DNAH11: variants seen among roughly 807,000 people sequenced by gnomAD.
The protein encoded by DNAH11 is dynein axonemal heavy chain 11, also known as axonemal beta dynein heavy chain 11.
A neutral mutation model predicts 526.0 loss-of-function variants in DNAH11; 442 were observed. The observed-to-expected ratio is 0.84, with a 90% CI of 0.78 to 0.91. The LOEUF (loss-of-function observed/expected upper bound fraction) is 0.91, where lower values mean the gene tolerates loss of function less well. Ranked by LOEUF, DNAH11 falls within the 40% of genes least tolerant of loss-of-function variation. The pLI is 0.00. For synonymous variants in DNAH11, 2,461 were observed against 1,935.9 expected, an observed-to-expected ratio of 1.27 and a Z score of -7.12; for missense variants, 6,989 against 5,448.7, an observed-to-expected ratio of 1.28 and a Z score of -8.90.
At chr7:21,841,944 C>G (rs941297832) in intron 65 of DNAH11, among the ~76,000 whole-genome samples, 106 of 152,290 alleles carry the variant, frequency 7.0e-4, no homozygotes, top group African/African-American at 2.3e-3. Context: ...AACCTGCCCC[C>G]TCTATGCCCA....
At chr7:21,556,926 T>C (rs1452527157) in intron 2 of DNAH11, among the ~76,000 whole-genome samples, 1 of 152,062 alleles carries the variant, frequency 6.6e-6, no homozygotes, top group African/African-American at 2.4e-5. Context: ...CTGGGCATGG[T>C]GGCACATGCT....
At chr7:21,754,138 C>T (rs533839542) in intron 54 of DNAH11, among the ~76,000 whole-genome samples, 8 of 152,236 alleles carry the variant, frequency 5.3e-5, no homozygotes, top group African/African-American at 1.9e-4. Context: ...GTAAATATTA[C>T]AGAACATTAA....
intron 79 of DNAH11, 47 bp downstream of exon 79, chr7:21,895,046 G>A: frequency 6.7e-7 from 1 of 1,495,728 alleles, no homozygotes; most frequent in South Asian, 1.1e-5. Context: ...CAGCCTCGGT[G>A]CTGGGTTAGT....
intron 69 of DNAH11, 21 bp from the exon 70 acceptor site, chr7:21,864,514 T>C (rs1347726774): frequency 6.2e-7 from 1 of 1,607,952 alleles, no homozygotes; most frequent in Admixed American, 1.7e-5. Flanking sequence ...ATAATCCTTT[T>C]CAATTTTGTC....
chr7:21,615,012 T>A, intron 20 of DNAH11, 102 bp from the exon 21 acceptor site: 5 of 1,327,074 alleles, frequency 3.8e-6, no homozygotes, highest in Non-Finnish European at 5.1e-6. Context: ...ATTTTCCCGT[T>A]AAAAATCAAA....
At position 21,894,993 on chromosome 7, in the gene DNAH11, C is replaced by G. The variant is rs1380245183; in HGVS notation, c.13043C>G (p.Ala4348Gly). Residue 4348 changes from alanine to glycine, a missense_variant, in exon 79 of 82, where the codon GCC (alanine) becomes GGC (glycine). Transcript: ENST00000409508. The stretch of plus-strand genomic sequence containing the variant: ...GCTTATCCTTCTACTTATGGCCTAG[C>G]CCAGTGGTAAGCTACCCCATCCTCA... Reference protein sequence around the residue: ...KLAYPSTYGLAQWFNDLLLRC... With the variant: ...KLAYPSTYGLGQWFNDLLLRC... 9 of 1,613,686 alleles carry G rather than the reference C, an allele frequency of 5.6e-6. No homozygotes were observed. The highest frequency in any genetic ancestry group is 1.3e-5 in the African/African-American group (1 of 75,030).
At chr7:21,618,397 C>T (rs1403829449) in intron 23 of DNAH11, 1 of 152,724 alleles carries the variant, frequency 6.5e-6, no homozygotes, top group Admixed American at 6.5e-5. Flanking sequence ...TTAGCAAAAG[C>T]CGGAAAGAAA....
At chr7:21,693,624 A>G (rs1322859848) in intron 35 of DNAH11, among the ~76,000 whole-genome samples, 1 of 152,180 alleles carries the variant, frequency 6.6e-6, no homozygotes, top group Non-Finnish European at 1.5e-5. Context: ...TTAATAATGA[A>G]TTTAATTCCT....
Position 21,749,734 on chromosome 7 carries a change from C to T in DNAH11, c.8730C>T (p.Phe2910=), listed in dbSNP as rs1228859779. 1.9e-6 allele frequency: 3 copies of T among 1,613,834 alleles called. No homozygotes were observed. Among genetic ancestry groups the T allele is most frequent in the Non-Finnish European group, 2.5e-6 (3 of 1,179,872 alleles). Residue 2910 remains phenylalanine (F), a synonymous_variant, in exon 53 of 82, where the codon TTC becomes TTT. Coordinates refer to ENST00000409508, the MANE Select transcript of DNAH11 (RefSeq NM_001277115.2). ...RTGAKNMPTV[F]LLTDAQVLDE... ...GAGCCAAGAACATGCCCACTGTGTT[C>T]CTGCTGACAGATGCCCAGGTTCTAG...
intron 57 of DNAH11, among the ~76,000 whole-genome samples, chr7:21,784,179 T>C (rs1788074873): frequency 6.6e-6 from 1 of 152,244 alleles, no homozygotes; most frequent in Non-Finnish European, 1.5e-5. Flanking sequence ...GTCAAAGCTT[T>C]TCTTGGAGCA....
chr7:21,707,976 A>G, intron 40 of DNAH11, 141 bp downstream of exon 40: 1 of 800,316 alleles, frequency 1.2e-6, no homozygotes. Context: ...TCACAACAGC[A>G]TTTATAATGT....
intron 66 of DNAH11, among the ~76,000 whole-genome samples, chr7:21,844,167 A>C (rs1035914008): frequency 3.9e-5 from 6 of 152,208 alleles, no homozygotes; most frequent in Non-Finnish European, 7.3e-5. Flanking sequence ...TGTAATACCA[A>C]CACTTTGGAA....
intron 28 of DNAH11, among the ~76,000 whole-genome samples, chr7:21,654,107 CATTAA>C (rs775736059): frequency 3.2e-4 from 48 of 152,246 alleles, no homozygotes; most frequent in Middle Eastern, 3.4e-3. Flanking sequence ...TGAAATTTAA[CATTAA>C]ATTAACTGTT....
chr7:21,562,438 G>T (rs1164988385), intron 5 of DNAH11, among the ~76,000 whole-genome samples: 3 of 152,134 alleles, frequency 2.0e-5, no homozygotes, highest in Non-Finnish European at 4.4e-5. Context: ...TCAATAAATA[G>T]AAGCTGTTGG....
At chr7:21,606,991 C>T (rs943310604) in intron 20 of DNAH11, among the ~76,000 whole-genome samples, 3 of 152,040 alleles carry the variant, frequency 2.0e-5, no homozygotes, top group East Asian at 1.9e-4. Flanking sequence ...TAGGAAAGGG[C>T]GTTTATTAAG....
chr7:21,727,041 C>G (rs1785150036), intron 45 of DNAH11, among the ~76,000 whole-genome samples: 1 of 134,160 alleles, frequency 7.5e-6, no homozygotes, highest in African/African-American at 2.8e-5. Context: ...TCAAGTGACT[C>G]TCCTGCCTCA....
chr7:21,793,708 A>C (rs1302870337), intron 61 of DNAH11, among the ~76,000 whole-genome samples: 1 of 151,568 alleles, frequency 6.6e-6, no homozygotes, highest in Non-Finnish European at 1.5e-5. Flanking sequence ...TGTTTAGTTT[A>C]TCATTAATGT....
intron 40 of DNAH11, among the ~76,000 whole-genome samples, chr7:21,709,475 A>G (rs1376645947): frequency 6.6e-6 from 1 of 152,198 alleles, no homozygotes; most frequent in South Asian, 2.1e-4. Context: ...GTTGGTTACT[A>G]TGCTTACTAC....
rs191438431 is a variant in DNAH11, at chr7:21,852,274, G to A, written c.10897-193G>A. On this transcript the variant is annotated intron_variant, in intron 66 of 81. Coordinates refer to ENST00000409508, the MANE Select transcript of DNAH11 (RefSeq NM_001277115.2). Reference sequence around the variant, plus strand: ...CAAAAAAAAATAGCTGGATGTGGTGGCAGGCACCTGTAATCTCAGCTACTC... The same window carrying A: ...CAAAAAAAAATAGCTGGATGTGGTGACAGGCACCTGTAATCTCAGCTACTC... 3.5e-3 allele frequency among the ~76,000 whole-genome samples: 539 copies of A among 152,054 alleles called. 3 individuals carry two copies. The highest frequency in any genetic ancestry group is 6.9e-3 in the Admixed American group (105 of 15,264).
Sources: allele counts gnomAD v4.1 joint callset (sites outside exome capture counted in the v4.1 genomes callset), GRCh38; gene constraint gnomAD v4.1.1; transcripts MANE v1.5; gene names NCBI Gene and HGNC (gene_info 2026-07-23, HGNC 2026-07-21).